The following RIMS2 variants were observed in gnomAD, a reference collection of about 807,000 sequenced individuals.
The protein encoded by RIMS2 is regulating synaptic membrane exocytosis protein 2.
In RIMS2, 59 loss-of-function variants were observed where a neutral mutation model predicts 174.4. The observed-to-expected ratio is 0.34, with a 90% CI of 0.27 to 0.42. The LOEUF (loss-of-function observed/expected upper bound fraction) is 0.42. RIMS2 is among the 10% of genes least tolerant of loss of function. The pLI is 1.00. For missense variants in RIMS2, 1,620 were observed against 1,666.3 expected, an observed-to-expected ratio of 0.97 and a Z score of 0.48; for synonymous variants, 606 against 572.5, an observed-to-expected ratio of 1.06 and a Z score of -0.84.
chr8:104,190,245 T>A (rs750653926), intron 19 of RIMS2, among the ~76,000 whole-genome samples: 1 of 152,032 alleles, frequency 6.6e-6, no homozygotes, highest in Non-Finnish European at 1.5e-5. Flanking sequence ...AAGGCTGCAG[T>A]GGACCATGAT....
Position 103,692,644 on chromosome 8 carries a change from G to A in RIMS2, c.177-4442G>A, listed in dbSNP as rs540559336. Among the ~76,000 whole-genome samples, 3 of 152,336 alleles carry A rather than the reference G, an allele frequency of 2.0e-5. No individual in the cohort carries two copies. In the South Asian group the frequency reaches 6.2e-4, roughly 32 times the overall value. On this transcript the variant is annotated intron_variant, in intron 1 of 23. Transcript: ENST00000504942. The stretch of plus-strand genomic sequence containing the variant: ...GGACTGGGTTCTTTCCTTCAGGGCA[G>A]TGGGTTCCTTTCTGGCCCAGAGTAT...
intron 19 of RIMS2, among the ~76,000 whole-genome samples, chr8:104,208,667 T>G (rs1347619332): frequency 1.3e-5 from 2 of 152,182 alleles, no homozygotes; most frequent in Non-Finnish European, 2.9e-5. Context: ...CAGGGACTTT[T>G]TAGAGTAAAT....
rs1233791425 is a variant in RIMS2, at chr8:104,079,157, A to G, written c.3334+64542A>G. ...GTATATTATAGAACACTGTAGAATT[A>G]TAGCAGAAATTTTAACTTCTCCCTT... On this transcript the variant is annotated intron_variant, in intron 19 of 23. Coordinates refer to ENST00000504942, the Ensembl canonical transcript of RIMS2. Among the ~76,000 whole-genome samples the G allele has an allele frequency of 2.0e-5, 3 of 152,172 alleles. No homozygotes were observed. The East Asian group carries it at 5.8e-4, about 29-fold the overall frequency.
chr8:104,050,292 A>G (rs1445377164), intron 19 of RIMS2, among the ~76,000 whole-genome samples: 1 of 152,204 alleles, frequency 6.6e-6, no homozygotes, highest in Non-Finnish European at 1.5e-5. Flanking sequence ...TAACAGTGAC[A>G]TAGACATACA....
chr8:104,067,694 T>A (rs1379237032), intron 19 of RIMS2, among the ~76,000 whole-genome samples: 1 of 152,136 alleles, frequency 6.6e-6, no homozygotes, highest in Non-Finnish European at 1.5e-5. Context: ...GCCTGCCCCA[T>A]AAATATACTT....
At chr8:103,899,375 C>T (rs2099313617) in intron 4 of RIMS2, among the ~76,000 whole-genome samples, 3 of 151,758 alleles carry the variant, frequency 2.0e-5, no homozygotes, top group Admixed American at 2.0e-4. Context: ...ACATCCTCTC[C>T]AGCACCTGTT....
intron 19 of RIMS2, among the ~76,000 whole-genome samples, chr8:104,108,366 A>G (rs1280162188): frequency 2.0e-5 from 3 of 151,990 alleles, no homozygotes; most frequent in Non-Finnish European, 4.4e-5. Context: ...ATCATATCTC[A>G]CTGCAGCCTC....
At chr8:103,927,943 A>C in intron 11 of RIMS2, 1 of 1,487,086 alleles carries the variant, frequency 6.7e-7, no homozygotes. Context: ...CCCTATTTGT[A>C]TGTTTTTGGA....
intron 19 of RIMS2, among the ~76,000 whole-genome samples, chr8:104,149,455 T>C (rs1310182539): frequency 1.3e-5 from 2 of 152,210 alleles, no homozygotes; most frequent in African/African-American, 2.4e-5. Flanking sequence ...ACTTTAAAAT[T>C]CAGTTGCTAA....
rs549330120 is a variant in RIMS2 at position 103,980,971 on chromosome 8, A to G, written c.2927+5465A>G. On this transcript the variant is annotated intron_variant, in intron 16 of 23. Coordinates refer to ENST00000504942, the Ensembl canonical transcript of RIMS2. ...CCCCAATCCCTAGCTCCCAGATAGC[A>G]TCTGTGGATCTGATCAGGGCCTAGG... Among the ~76,000 whole-genome samples the G allele has an allele frequency of 3.3e-5, 5 of 152,290 alleles. No homozygotes were observed. The South Asian group carries it at 1.0e-3, about 32-fold the overall frequency.
intron 19 of RIMS2, among the ~76,000 whole-genome samples, chr8:104,160,204 A>G (rs2098752586): frequency 6.6e-6 from 1 of 152,126 alleles, no homozygotes; most frequent in Non-Finnish European, 1.5e-5. Context: ...CATTTGTCCA[A>G]ATCCCATCAG....
intron 1 of RIMS2, among the ~76,000 whole-genome samples, chr8:103,636,914 A>G (rs2135416451): frequency 6.6e-6 from 1 of 151,354 alleles, no homozygotes; most frequent in African/African-American, 2.4e-5. Flanking sequence ...GAAAGTTCTC[A>G]CCCAAGTTCT....
intron 1 of RIMS2, among the ~76,000 whole-genome samples, chr8:103,592,083 G>A (rs1270439882): frequency 1.3e-5 from 2 of 151,158 alleles, no homozygotes; most frequent in Non-Finnish European, 3.0e-5. Context: ...CTTAGGACAT[G>A]TTGCCCTTTG....
chr8:104,244,984 AG>A lies in RIMS2; in HGVS notation c.3405del (p.Asn1136ThrfsTer3). 6.2e-7 allele frequency: 1 copy of A among 1,613,968 alleles called. No individual in the cohort carries two copies. The highest frequency in any genetic ancestry group is 8.5e-7 in the Non-Finnish European group (1 of 1,179,826). On this transcript the variant is annotated frameshift_variant, in exon 20 of 24. Coordinates refer to ENST00000504942, the Ensembl canonical transcript of RIMS2. LOFTEE classifies it high-confidence loss of function. ...AGAAACAGGCCTGGCCGTGGAAATG[AG>A]GAACTGGATGACTCGACAGGCAAGC...
chr8:104,242,861 G>C (rs1400711685), intron 19 of RIMS2, among the ~76,000 whole-genome samples: 1 of 152,166 alleles, frequency 6.6e-6, no homozygotes, highest in African/African-American at 2.4e-5. Context: ...AATGGTGGCA[G>C]CCTGGTCTCC....
Position 103,737,762 on chromosome 8 carries a change from A to G in RIMS2, c.388-28465A>G, listed in dbSNP as rs149130596. On this transcript the variant is annotated intron_variant, in intron 2 of 23. Transcript: ENST00000504942. Reference sequence around the variant, plus strand: ...AAGGCATTTACATATGTTGTTTCTTATACCTGGAATGCACTTCACCAGATT... The same window carrying G: ...AAGGCATTTACATATGTTGTTTCTTGTACCTGGAATGCACTTCACCAGATT... 5.1e-3 allele frequency among the ~76,000 whole-genome samples: 771 copies of G among 152,218 alleles called. 25 individuals are homozygous for G. Among genetic ancestry groups the G allele is most frequent in the Admixed American group, 0.036 (543 of 15,274 alleles).
chr8:103,609,203 G>T (rs1258172154), intron 1 of RIMS2, among the ~76,000 whole-genome samples: 3 of 151,874 alleles, frequency 2.0e-5, no homozygotes, highest in Admixed American at 6.6e-5. Flanking sequence ...TAATGGAATT[G>T]TTTGTTTTTT....
intron 19 of RIMS2, among the ~76,000 whole-genome samples, chr8:104,163,924 A>G (rs1566778971): frequency 2.0e-5 from 3 of 152,160 alleles, no homozygotes; most frequent in Admixed American, 6.5e-5. Flanking sequence ...ACAGAAGTAT[A>G]AGAAAGAATA....
intron 19 of RIMS2, among the ~76,000 whole-genome samples, chr8:104,042,076 T>TTA (rs746192996): frequency 1.6e-3 from 237 of 151,190 alleles, no homozygotes; most frequent in African/African-American, 1.8e-3. Context: ...TGTATATATT[T>TTA]TATATATATA....
Sources: gnomAD v4.1 joint callset for allele counts (sites outside exome capture counted in the v4.1 genomes callset) on GRCh38, gnomAD v4.1.1 for gene constraint, MANE v1.5 for transcripts, NCBI Gene and HGNC (gene_info 2026-07-23, HGNC 2026-07-21) for gene names.